SDC3: variants seen among roughly 807,000 people sequenced by gnomAD.
SDC3 encodes the protein syndecan-3.
A neutral mutation model predicts 24.4 loss-of-function variants in SDC3; 13 were observed. That is an observed-to-expected ratio of 0.53 (90% CI 0.35 to 0.85). SDC3 has a LOEUF of 0.85. Among genes scored for constraint, SDC3 ranks in the 40% least tolerant of loss-of-function variants. The probability of loss-of-function intolerance (pLI) is 0.01; values close to 1 mark genes in which losing one functional copy is unlikely to be tolerated. For missense variants in SDC3, 571 were observed against 584.5 expected, an observed-to-expected ratio of 0.98 and a Z score of 0.24; for synonymous variants, 295 against 260.9, an observed-to-expected ratio of 1.13 and a Z score of -1.26.
chr1:30,880,393 C>T (rs1022852353), intron 1 of SDC3, among the ~76,000 whole-genome samples: 22 of 149,402 alleles, frequency 1.5e-4, no homozygotes, highest in South Asian at 4.3e-4. Flanking sequence ...GCTGGGGGTA[C>T]GAGAGAAGGA....
chr1:30,905,315 A>G (rs1005402511), intron 1 of SDC3, among the ~76,000 whole-genome samples: 1 of 14,072 alleles, frequency 7.1e-5, no homozygotes, highest in Non-Finnish European at 1.4e-4. Context: ...ACCCCACCCC[A>G]CCCCCACCCC....
chr1:30,881,054 C>T (rs543278801), intron 1 of SDC3, among the ~76,000 whole-genome samples: 211 of 149,678 alleles, frequency 1.4e-3, no homozygotes, highest in Non-Finnish European at 2.5e-3. Context: ...CACACACACA[C>T]GACAGCCCAA....
At chr1:30,906,369 G>C (rs1638520250) in intron 1 of SDC3, among the ~76,000 whole-genome samples, 1 of 151,998 alleles carries the variant, frequency 6.6e-6, no homozygotes, top group African/African-American at 2.4e-5. Context: ...CCCAGGGTCT[G>C]CTTGATCTGC....
At chr1:30,894,334 T>G (rs1369106536) in intron 1 of SDC3, among the ~76,000 whole-genome samples, 5 of 96,490 alleles carry the variant, frequency 5.2e-5, no homozygotes, top group Admixed American at 1.2e-4. Context: ...TGGATGAGTG[T>G]GTGTGGGGTG....
intron 1 of SDC3, among the ~76,000 whole-genome samples, chr1:30,894,951 C>T (rs1045436589): frequency 6.6e-6 from 1 of 151,880 alleles, no homozygotes; most frequent in South Asian, 2.1e-4. Flanking sequence ...TATGTGTGTC[C>T]CTGTCTCTGT....
intron 1 of SDC3, among the ~76,000 whole-genome samples, chr1:30,899,887 T>C (rs12085929): frequency 0.12 from 18,864 of 152,182 alleles, 2,402 homozygotes; most frequent in African/African-American, 0.33. Flanking sequence ...CAGGGCTTCA[T>C]ATACAGCAGG....
intron 1 of SDC3, among the ~76,000 whole-genome samples, chr1:30,894,208 AGT>A (rs60206143): frequency 1.0e-3 from 150 of 143,872 alleles, no homozygotes; most frequent in African/African-American, 3.5e-3. Context: ...TGTGCATGAG[AGT>A]GTGTGTGTGA....
intron 2 of SDC3, 84 bp downstream of exon 2, chr1:30,878,539 A>G: frequency 9.0e-7 from 1 of 1,115,408 alleles, no homozygotes; most frequent in Non-Finnish European, 1.3e-6. Flanking sequence ...TCACTGAAGC[A>G]AGCCCCCCGT....
At chr1:30,892,238 G>A (rs74065521) in intron 1 of SDC3, among the ~76,000 whole-genome samples, 2,630 of 152,166 alleles carry the variant, frequency 0.017, 76 homozygotes, top group African/African-American at 0.059. Flanking sequence ...CCTGAACGTG[G>A]CTTCCCTGAA....
chr1:30,904,642 G>T (rs1420756090), intron 1 of SDC3, among the ~76,000 whole-genome samples: 1 of 152,156 alleles, frequency 6.6e-6, no homozygotes, highest in Non-Finnish European at 1.5e-5. Flanking sequence ...TGAGGATAGA[G>T]TCACAGCCCC....
intron 1 of SDC3, among the ~76,000 whole-genome samples, chr1:30,903,796 G>A (rs967690993): frequency 1.3e-5 from 2 of 152,206 alleles, no homozygotes; most frequent in Non-Finnish European, 2.9e-5. Flanking sequence ...CACAGCAAGA[G>A]GGGGTAAATT....
rs544562051 is a variant in SDC3 at position 30,870,222 on chromosome 1, G to C, written c.*2989C>G. On this transcript the variant is annotated 3_prime_UTR_variant, in exon 5 of 5. Coordinates refer to ENST00000339394, the MANE Select transcript of SDC3 (RefSeq NM_014654.4). ...ACACCCTAAGCCCTGCCCAGCCCTG[G>C]TTGCCACCCACATGCCTCCAGCGAT... 3.7e-6 allele frequency: 1 copy of C among 273,486 alleles called. No homozygotes were observed. 16.9% of individuals were successfully genotyped at this position (273,486 alleles called of 1,614,324 possible).
In SDC3 at chr1:30,902,779, G is replaced by A. The variant is rs113998452; in HGVS notation, c.138+5670C>T. ...TGGCACTCAGACTGAAGGCCCGCCC[G>A]ATGCAGCCCCCTGGCGCCTCCCAGC... On this transcript the variant is annotated intron_variant, in intron 1 of 4. Transcript: ENST00000339394. Among the ~76,000 whole-genome samples the A allele has an allele frequency of 5.9e-3, 895 of 152,326 alleles. 7 individuals carry two copies. The highest frequency in any genetic ancestry group is 0.02 in the African/African-American group (842 of 41,560).
At chr1:30,908,339 G>C (rs1336705957) in intron 1 of SDC3, 110 bp downstream of exon 1, 2 of 533,166 alleles carry the variant, frequency 3.8e-6, no homozygotes, top group African/African-American at 4.2e-5. Flanking sequence ...GGAAGCAGCC[G>C]GGGGGGAGGG....
At chr1:30,893,301 GA>G (rs1353908417) in intron 1 of SDC3, among the ~76,000 whole-genome samples, 5 of 19,140 alleles carry the variant, frequency 2.6e-4, no homozygotes, top group African/African-American at 6.2e-4. Context: ...CACCCACCAG[GA>G]GCCCCCCCCC....
intron 1 of SDC3, among the ~76,000 whole-genome samples, chr1:30,907,466 C>T (rs1435873914): frequency 6.6e-6 from 1 of 152,178 alleles, no homozygotes; most frequent in Non-Finnish European, 1.5e-5. Flanking sequence ...CCAGGGTCCC[C>T]CATGCACCTG....
In SDC3 at chr1:30,905,356, AACACACACACAC is replaced by A. The variant is rs74721441; in HGVS notation, c.138+3081_138+3092del. ...CCATCCGTACTCTCTCTCTCTCACA[AACACACACACAC>A]ACACACACACACACACACACGTCTC... On this transcript the variant is annotated intron_variant, in intron 1 of 4. Transcript: ENST00000339394. Among the ~76,000 whole-genome samples, 142 of 77,304 alleles carry A rather than the reference AACACACACACAC, an allele frequency of 1.8e-3. 1 individual carries two copies. The highest frequency in any genetic ancestry group is 2.9e-3 in the Non-Finnish European group (122 of 41,356). The allele number at this position is 77,304 out of a possible 152,430, so 50.7% of individuals were successfully genotyped here. A position where few individuals can be genotyped will look rare whatever the true frequency, so the allele number is the denominator to read the frequency against.
At chr1:30,886,410 T>C (rs1056064629) in intron 1 of SDC3, among the ~76,000 whole-genome samples, 4 of 152,030 alleles carry the variant, frequency 2.6e-5, no homozygotes, top group Non-Finnish European at 5.9e-5. Flanking sequence ...AATTAGGAAG[T>C]CCTTTCTTGG....
chr1:30,907,789 C>T (rs1638554099), intron 1 of SDC3, among the ~76,000 whole-genome samples: 1 of 152,202 alleles, frequency 6.6e-6, no homozygotes, highest in Admixed American at 6.5e-5. Context: ...CCTCACTCCC[C>T]CCTCAGGTCA....
Sources: allele counts gnomAD v4.1 joint callset (sites outside exome capture counted in the v4.1 genomes callset), GRCh38; gene constraint gnomAD v4.1.1; transcripts MANE v1.5; gene names NCBI Gene and HGNC (gene_info 2026-07-23, HGNC 2026-07-21).